BICRAL: variants seen among roughly 807,000 people sequenced by gnomAD.
BICRAL encodes the protein BRD4-interacting chromatin-remodeling complex-associated protein-like.
In BICRAL, 8 loss-of-function variants were observed where a neutral mutation model predicts 91.8. The ratio of observed to expected loss-of-function variants is 0.09; its 90% CI spans 0.05 to 0.16. The LOEUF is 0.16. Among genes scored for constraint, BICRAL ranks in the 10% least tolerant of loss-of-function variants. The pLI is 1.00. For synonymous variants in BICRAL, 445 were observed against 491.1 expected (o/e 0.91, Z 1.24); for missense variants, 1,038 against 1,310.9 (o/e 0.79, Z 3.21).
At chr6:42,848,419 A>G (rs1403199888) in intron 6 of BICRAL, among the ~76,000 whole-genome samples, 1 of 152,206 alleles carries the variant, frequency 6.6e-6, no homozygotes, top group Non-Finnish European at 1.5e-5. Context: ...TATCTCCAAA[A>G]AAAATAAAAT....
At chr6:42,841,610 A>T (rs1261390643) in intron 6 of BICRAL, among the ~76,000 whole-genome samples, 1 of 152,206 alleles carries the variant, frequency 6.6e-6, no homozygotes, top group Non-Finnish European at 1.5e-5. Context: ...GTCTGGACTT[A>T]AAAATCTAGA....
chr6:42,805,741 C>T (rs1003054034), intron 1 of BICRAL, among the ~76,000 whole-genome samples: 1 of 152,026 alleles, frequency 6.6e-6, no homozygotes, highest in Non-Finnish European at 1.5e-5. Context: ...GTGGCTCACA[C>T]CTGTAATCCC....
intron 1 of BICRAL, among the ~76,000 whole-genome samples, chr6:42,759,321 C>T (rs1762508005): frequency 6.6e-6 from 1 of 152,216 alleles, no homozygotes; most frequent in South Asian, 2.1e-4. Context: ...GAGAGCATCA[C>T]ATTATTTTTC....
chr6:42,806,536 G>A (rs1421672527), intron 1 of BICRAL, among the ~76,000 whole-genome samples: 3 of 144,574 alleles, frequency 2.1e-5, no homozygotes, highest in African/African-American at 7.8e-5. Context: ...TTTTTGAGAC[G>A]GGGTCTTACT....
At chr6:42,843,851 T>TGCAATAG (rs1764890732) in intron 6 of BICRAL, among the ~76,000 whole-genome samples, 1 of 145,446 alleles carries the variant, frequency 6.9e-6, no homozygotes, top group Non-Finnish European at 1.5e-5. Flanking sequence ...CCCAGGCGAG[T>TGCAATAG]GCAATAGCAC....
intron 8 of BICRAL, among the ~76,000 whole-genome samples, chr6:42,854,117 T>C (rs991932240): frequency 6.6e-6 from 1 of 152,184 alleles, no homozygotes; most frequent in Non-Finnish European, 1.5e-5. Flanking sequence ...GATTTTTGTT[T>C]TTCTGTAGTA....
chr6:42,843,803 T>C (rs1284986792), intron 6 of BICRAL, among the ~76,000 whole-genome samples: 2 of 145,040 alleles, frequency 1.4e-5, no homozygotes, highest in African/African-American at 2.5e-5. Context: ...ATTTCTTCTT[T>C]TTTTTTTTTT....
chr6:42,777,899 C>T (rs1209797024), upstream of BICRAL, among the ~76,000 whole-genome samples: 2 of 152,066 alleles, frequency 1.3e-5, no homozygotes, highest in Non-Finnish European at 2.9e-5. Flanking sequence ...AAGCTATTTG[C>T]ATATAGTAAA....
chr6:42,809,278 T>C (rs896056893), intron 1 of BICRAL, among the ~76,000 whole-genome samples: 1 of 152,014 alleles, frequency 6.6e-6, no homozygotes, highest in African/African-American at 2.4e-5. Flanking sequence ...TCATTCTTTT[T>C]TATGGCTGCT....
chr6:42,752,912 CTTTTTTTT>C (rs57864510), intron 1 of BICRAL, among the ~76,000 whole-genome samples: 2 of 82,230 alleles, frequency 2.4e-5, no homozygotes, highest in African/African-American at 9.9e-5. Context: ...CCCCAGCTGA[CTTTTTTTT>C]TTTTTTTTTT....
In BICRAL at chr6:42,828,605, C is replaced by A. The variant is rs750463252; in HGVS notation, c.272C>A (p.Ser91Tyr). ...SLQFLEDELE[S>Y]SPLPDLTEDQ... ...CAGTTTCTTGAAGATGAACTCGAGTCTTCTCCTCTTCCTGATCTCACTGAG... is the reference window on the plus strand; with the variant it reads ...CAGTTTCTTGAAGATGAACTCGAGTATTCTCCTCTTCCTGATCTCACTGAG... The change falls in exon 6 of 13, where the codon TCT becomes TAT. Residue 91 changes from serine to tyrosine, a missense_variant. By Grantham distance (144) the Ser-to-Tyr change is moderately radical (BLOSUM62 -2). Coordinates refer to ENST00000314073, the MANE Select transcript of BICRAL (RefSeq NM_001393499.1). 1 of 1,614,080 alleles carries A rather than the reference C, an allele frequency of 6.2e-7. No individual in the cohort carries two copies. Among genetic ancestry groups the A allele is most frequent in the Non-Finnish European group, 8.5e-7 (1 of 1,180,008 alleles).
intron 5 of BICRAL, among the ~76,000 whole-genome samples, chr6:42,827,842 G>T (rs1764347069): frequency 6.6e-6 from 1 of 152,126 alleles, no homozygotes; most frequent in Non-Finnish European, 1.5e-5. Context: ...TTATTATTGG[G>T]CCACTGCACT....
intron 1 of BICRAL, among the ~76,000 whole-genome samples, chr6:42,770,624 C>T (rs952978014): frequency 6.6e-6 from 1 of 151,914 alleles, no homozygotes; most frequent in Non-Finnish European, 1.5e-5. Context: ...CCATGTTGGC[C>T]AGGCTGGTCT....
chr6:42,847,963 A>G (rs1382226315), intron 6 of BICRAL, among the ~76,000 whole-genome samples: 11 of 152,014 alleles, frequency 7.2e-5, no homozygotes, highest in Admixed American at 5.9e-4. Flanking sequence ...CCTCATCTCT[A>G]CTAAAAATAC....
Position 42,852,089 on chromosome 6 carries a change from C to T in BICRAL, c.1840-3C>T. 6.4e-7 allele frequency: 1 copy of T among 1,561,100 alleles called. No homozygotes were observed. Among genetic ancestry groups the T allele is most frequent in the Non-Finnish European group, 8.8e-7 (1 of 1,134,218 alleles). Reference sequence around the variant, plus strand: ...ATGTTTTCATCTTTGTCATGTTTCACAGGCTCAGAAAAAATGTCTGAATCA... The same window carrying T: ...ATGTTTTCATCTTTGTCATGTTTCATAGGCTCAGAAAAAATGTCTGAATCA... On this transcript the variant is annotated splice_region_variant and splice_polypyrimidine_tract_variant and intron_variant, in intron 6 of 12. Transcript: ENST00000314073.
chr6:42,846,086 A>G (rs1334081502), intron 6 of BICRAL, among the ~76,000 whole-genome samples: 2 of 147,734 alleles, frequency 1.4e-5, no homozygotes, highest in African/African-American at 2.5e-5. Context: ...AAAAAGTTAT[A>G]GATTCCTAGG....
At chr6:42,747,966 G>A (rs920886201) in intron 1 of BICRAL, among the ~76,000 whole-genome samples, 1 of 151,896 alleles carries the variant, frequency 6.6e-6, no homozygotes, top group South Asian at 2.1e-4. Context: ...CACCATGTCC[G>A]GCTAATTTTG....
intron 1 of BICRAL, among the ~76,000 whole-genome samples, chr6:42,764,345 A>C (rs911490197): frequency 4.0e-5 from 6 of 151,360 alleles, no homozygotes; most frequent in African/African-American, 1.5e-4. Flanking sequence ...TGAGCCTAGG[A>C]GTTCAAGACC....
intron 6 of BICRAL, among the ~76,000 whole-genome samples, chr6:42,833,484 A>G (rs563483800): frequency 6.0e-5 from 9 of 149,364 alleles, no homozygotes; most frequent in African/African-American, 1.7e-4. Flanking sequence ...GTCTCACTCT[A>G]TTGTCCAGGC....
Sources: allele counts gnomAD v4.1 joint callset (sites outside exome capture counted in the v4.1 genomes callset), GRCh38; gene constraint gnomAD v4.1.1; transcripts MANE v1.5; gene names NCBI Gene and HGNC (gene_info 2026-07-23, HGNC 2026-07-21).